Variants in DIP2B observed in about 807,000 individuals in gnomAD.
The protein encoded by DIP2B is disco-interacting protein 2 homolog B.
In DIP2B, 76 loss-of-function variants were observed where a neutral mutation model predicts 198.0. That is an observed-to-expected ratio of 0.38 (90% confidence interval 0.32 to 0.46). DIP2B has a LOEUF of 0.46. DIP2B is among the 20% of genes least tolerant of loss of function. DIP2B has a pLI of 0.99. For missense variants in DIP2B, 1,559 were observed against 1,978.4 expected, an observed-to-expected ratio of 0.79 and a Z score of 4.02; for synonymous variants, 701 against 739.1, an observed-to-expected ratio of 0.95 and a Z score of 0.84.
At chr12:50,646,882 A>C (rs575590091) in intron 3 of DIP2B, among the ~76,000 whole-genome samples, 27 of 152,302 alleles carry the variant, frequency 1.8e-4, no homozygotes, top group African/African-American at 6.3e-4. Context: ...TGGCACACCA[A>C]GATCATTTTA....
chr12:50,674,683 T>C, intron 6 of DIP2B, 54 bp downstream of exon 6: 1 of 1,601,670 alleles, frequency 6.2e-7, no homozygotes. Context: ...CTAGAAAAAT[T>C]CAAATTATGA....
intron 3 of DIP2B, among the ~76,000 whole-genome samples, chr12:50,658,740 G>A (rs1470166748): frequency 6.6e-6 from 1 of 152,158 alleles, no homozygotes; most frequent in Non-Finnish European, 1.5e-5. Flanking sequence ...TATGTTGTTG[G>A]TCTGTACACA....
intron 1 of DIP2B, among the ~76,000 whole-genome samples, chr12:50,574,106 A>G (rs1408788129): frequency 6.6e-6 from 1 of 152,220 alleles, no homozygotes; most frequent in African/African-American, 2.4e-5. Context: ...GTGAAGGACA[A>G]TACTTTCTCC....
chr12:50,621,056 T>G (rs368146953), intron 1 of DIP2B, among the ~76,000 whole-genome samples: 2 of 152,342 alleles, frequency 1.3e-5, no homozygotes, highest in South Asian at 4.1e-4. Flanking sequence ...TTTTTGCAAG[T>G]TCCTTGGGAG....
At chr12:50,555,537 C>T (rs1189131346) in intron 1 of DIP2B, among the ~76,000 whole-genome samples, 1 of 152,164 alleles carries the variant, frequency 6.6e-6, no homozygotes, top group African/African-American at 2.4e-5. Context: ...TGAGAAAGAA[C>T]AGAGGCTGTG....
At chr12:50,673,437 A>G (rs1270609855) in intron 5 of DIP2B, among the ~76,000 whole-genome samples, 1 of 152,208 alleles carries the variant, frequency 6.6e-6, no homozygotes, top group African/African-American at 2.4e-5. Context: ...TGTTGTCGTT[A>G]CGTGTCCCTG....
intron 1 of DIP2B, among the ~76,000 whole-genome samples, chr12:50,538,573 T>C (rs1053221522): frequency 6.6e-6 from 1 of 152,228 alleles, no homozygotes; most frequent in African/African-American, 2.4e-5. Flanking sequence ...TTGATCCCCT[T>C]CTGTGAACCA....
At chr12:50,514,358 C>G (rs944599644) in intron 1 of DIP2B, among the ~76,000 whole-genome samples, 5 of 152,126 alleles carry the variant, frequency 3.3e-5, no homozygotes, top group African/African-American at 1.2e-4. Context: ...AGCCACTGCA[C>G]CCGGTTGCAT....
chr12:50,594,412 C>T (rs1313553529), intron 1 of DIP2B, among the ~76,000 whole-genome samples: 1 of 152,122 alleles, frequency 6.6e-6, no homozygotes, highest in Non-Finnish European at 1.5e-5. Flanking sequence ...ATAGTGTTTA[C>T]CTCAAGGGAT....
At chr12:50,537,666 A>G (rs923045884) in intron 1 of DIP2B, among the ~76,000 whole-genome samples, 1 of 152,156 alleles carries the variant, frequency 6.6e-6, no homozygotes, top group Non-Finnish European at 1.5e-5. Flanking sequence ...CATCAGGTGA[A>G]TCAGATCTTT....
At chr12:50,686,991 C>A in intron 12 of DIP2B, 1 of 225,182 alleles carries the variant, frequency 4.4e-6, no homozygotes, top group Non-Finnish European at 8.6e-6. Flanking sequence ...TTCTCTGCTG[C>A]TTATTTAGAG....
At chr12:50,670,507 C>T (rs900552321) in intron 4 of DIP2B, among the ~76,000 whole-genome samples, 3 of 152,062 alleles carry the variant, frequency 2.0e-5, no homozygotes, top group Admixed American at 6.6e-5. Context: ...CCTCTGCCTC[C>T]GAGGTTCAAA....
At chr12:50,515,636 A>T (rs1442281774) in intron 1 of DIP2B, among the ~76,000 whole-genome samples, 1 of 150,840 alleles carries the variant, frequency 6.6e-6, no homozygotes, top group Non-Finnish European at 1.5e-5. Context: ...GGTTTCTTCT[A>T]CTCTTTCTTT....
intron 2 of DIP2B, among the ~76,000 whole-genome samples, chr12:50,640,146 A>G (rs994705577): frequency 6.6e-6 from 1 of 152,186 alleles, no homozygotes; most frequent in Non-Finnish European, 1.5e-5. Context: ...TTTGAGATAA[A>G]AAGGCAGGAA....
intron 22 of DIP2B, among the ~76,000 whole-genome samples, chr12:50,710,830 T>G (rs146711706): frequency 6.6e-6 from 1 of 152,292 alleles, no homozygotes; most frequent in East Asian, 1.9e-4. Flanking sequence ...AAAGAAAATA[T>G]ATTGAAGATA....
At chr12:50,675,046 G>A (rs556707970) in intron 6 of DIP2B, among the ~76,000 whole-genome samples, 3 of 152,190 alleles carry the variant, frequency 2.0e-5, no homozygotes, top group African/African-American at 4.8e-5. Flanking sequence ...CCAAGATGGC[G>A]CCACTGCACT....
intron 12 of DIP2B, among the ~76,000 whole-genome samples, chr12:50,688,857 G>A (rs1939175433): frequency 6.6e-6 from 1 of 152,096 alleles, no homozygotes. Flanking sequence ...AAGGTGGAGG[G>A]TCCTCCATTG....
At chr12:50,525,453 A>G (rs1276664418) in intron 1 of DIP2B, among the ~76,000 whole-genome samples, 1 of 151,848 alleles carries the variant, frequency 6.6e-6, no homozygotes, top group African/African-American at 2.4e-5. Flanking sequence ...TTTGAACAAA[A>G]TAGGCATTTC....
At chr12:50,678,994 A>G (rs934608266) in intron 8 of DIP2B, 118 bp downstream of exon 8, 21 of 1,188,912 alleles carry the variant, frequency 1.8e-5, no homozygotes, top group African/African-American at 3.1e-5. Flanking sequence ...GATTTTTTCA[A>G]TAATTTAAAA....
Sources: allele counts gnomAD v4.1 joint callset (sites outside exome capture counted in the v4.1 genomes callset), GRCh38; gene constraint gnomAD v4.1.1; transcripts MANE v1.5; gene names NCBI Gene and HGNC (gene_info 2026-07-23, HGNC 2026-07-21).